Variants in SLC5A9 observed in about 807,000 individuals in gnomAD.
SLC5A9 encodes the protein sodium/glucose cotransporter 4.
A neutral mutation model predicts 70.9 loss-of-function variants in SLC5A9; 59 were observed. The ratio of observed to expected loss-of-function variants is 0.83; its 90% CI spans 0.68 to 1.03. SLC5A9 has a LOEUF of 1.03. Among genes scored for constraint, SLC5A9 ranks in the 50% least tolerant of loss-of-function variants. SLC5A9 has a pLI of 0.00. For synonymous variants in SLC5A9, 340 were observed against 346.5 expected, an observed-to-expected ratio of 0.98 and a Z score of 0.21; for missense variants, 832 against 881.1, an observed-to-expected ratio of 0.94 and a Z score of 0.71.
Position 48,244,878 on chromosome 1 carries a change from G to GTGTATATATATATATA in SLC5A9, c.1837+2263_1837+2264insGTATATATATATATAT, listed in dbSNP as rs1391896495. ...TGTGTGTGTGTATGTATGTGTATGT[G>GTGTATATATATATATA]TATATATATATATATATATATATAT... is the stretch of plus-strand genomic sequence containing the variant. On this transcript the variant is annotated intron_variant, in intron 13 of 13. Transcript: ENST00000438567. Among the ~76,000 whole-genome samples, 11 of 29,418 alleles carry GTGTATATATATATATA rather than the reference G, an allele frequency of 3.7e-4. 2 individuals are homozygous for GTGTATATATATATATA. The highest frequency in any genetic ancestry group is 1.6e-3 in the East Asian group (1 of 616). The allele number at this position is 29,418 out of a possible 152,430, so 19.3% of individuals were successfully genotyped here.
At chr1:48,243,104 C>T (rs1170498208) in intron 13 of SLC5A9, among the ~76,000 whole-genome samples, 3 of 152,098 alleles carry the variant, frequency 2.0e-5, no homozygotes, top group Non-Finnish European at 4.4e-5. Flanking sequence ...GTTACACCCA[C>T]GGTGTTTCCT....
intron 13 of SLC5A9, among the ~76,000 whole-genome samples, chr1:48,245,789 C>A (rs1313610871): frequency 1.3e-5 from 2 of 151,780 alleles, no homozygotes; most frequent in Non-Finnish European, 2.9e-5. Flanking sequence ...GGCAAAACCC[C>A]ATATCTACAA....
In SLC5A9 at chr1:48,222,822, C is replaced by T. The variant is rs1479028364; in HGVS notation, c.86C>T (p.Ser29Phe). 3 of 1,613,282 alleles carry T rather than the reference C, an allele frequency of 1.9e-6. No individual in the cohort carries two copies. Among genetic ancestry groups the T allele is most frequent in the Non-Finnish European group, 2.5e-6 (3 of 1,179,428 alleles). ...TETAPHIALD[S>F]RVGLHAYDIS... is the part of the protein sequence containing the mutation. ...ACAGCTCCACACATAGCACTGGACT[C>T]CAGAGTTGGTCTGCACGCCTACGAC... Residue 29 changes from serine to phenylalanine, a missense_variant, in exon 1 of 14, where the codon TCC (serine) becomes TTC (phenylalanine). Physicochemically the swap from Ser to Phe is radical, Grantham distance 155. Coordinates refer to ENST00000438567, the MANE Select transcript of SLC5A9 (RefSeq NM_001011547.3).
In SLC5A9 at chr1:48,236,235, C is replaced by A. The variant is rs140489525; in HGVS notation, c.1292+356C>A. ...CCCAACCAACTCCGGATGTTAAGCC[C>A]GGTTAAAAAAAAATGCTATTAATTT... On this transcript the variant is annotated intron_variant, in intron 10 of 13. Coordinates refer to ENST00000438567, the MANE Select transcript of SLC5A9 (RefSeq NM_001011547.3). Among the ~76,000 whole-genome samples, 518 of 152,064 alleles carry A rather than the reference C, an allele frequency of 3.4e-3. 6 individuals are homozygous for A. The highest frequency in any genetic ancestry group is 0.03 in the South Asian group (142 of 4,806).
chr1:48,230,698 C>T lies in SLC5A9; in HGVS notation c.603C>T (p.Thr201=), dbSNP rs1644235986. ...GILLVVTAVY[T]IAGGLMAVIY... is the part of the protein sequence containing the mutation. The stretch of plus-strand genomic sequence containing the variant: ...TGCTGGTGGTGACTGCCGTCTACAC[C>T]ATTGCAGGTAGGCAGAGGGAAGAGG... Residue 201 remains threonine (T), a synonymous_variant, in exon 5 of 14, where the codon ACC becomes ACT. Transcript: ENST00000438567. 2 of 1,612,904 alleles carry T rather than the reference C, an allele frequency of 1.2e-6. No homozygotes were observed. Among genetic ancestry groups the T allele is most frequent in the East Asian group, 4.5e-5 (2 of 44,862 alleles).
At chr1:48,244,572 A>C (rs1217808913) in intron 13 of SLC5A9, among the ~76,000 whole-genome samples, 3 of 151,024 alleles carry the variant, frequency 2.0e-5, no homozygotes, top group African/African-American at 7.3e-5. Flanking sequence ...GCTATTCATA[A>C]TGATGGATAT....
intron 1 of SLC5A9, 57 bp downstream of exon 1, chr1:48,222,955 G>C: frequency 6.3e-7 from 1 of 1,587,384 alleles, no homozygotes; most frequent in Non-Finnish European, 8.6e-7. Context: ...CTCTCAGCTT[G>C]GGTGGGGCTG....
chr1:48,244,909 T>TATATATATATATATA (rs1291048314), intron 13 of SLC5A9, among the ~76,000 whole-genome samples: 2 of 114,532 alleles, frequency 1.7e-5, no homozygotes, highest in Non-Finnish European at 3.5e-5. Flanking sequence ...TATATATATA[T>TATATATATATATATA]AAAACCTCTG....
Position 48,229,279 on chromosome 1 carries a change from C to T in SLC5A9, c.340-16C>T, listed in dbSNP as rs1557469730. ...TCCAGGACCTGGATACCTTCTTCTT[C>T]TCCCCACTCTCCCAGGCAACCTGGC... On this transcript the variant is annotated splice_polypyrimidine_tract_variant and intron_variant, in intron 3 of 13. Transcript: ENST00000438567. 6.2e-7 allele frequency: 1 copy of T among 1,613,978 alleles called. No homozygotes were observed.
Position 48,229,278 on chromosome 1 carries a change from T to TCTC in SLC5A9, c.340-15_340-13dup, listed in dbSNP as rs1349595439. The TCTC allele has an allele frequency of 1.2e-6, 2 of 1,613,798 alleles. No individual in the cohort carries two copies. Among genetic ancestry groups the TCTC allele is most frequent in the Admixed American group, 1.7e-5 (1 of 59,990 alleles). On this transcript the variant is annotated splice_polypyrimidine_tract_variant and intron_variant, in intron 3 of 13. Coordinates refer to ENST00000438567, the MANE Select transcript of SLC5A9 (RefSeq NM_001011547.3). ...ATCCAGGACCTGGATACCTTCTTCT[T>TCTC]CTCCCCACTCTCCCAGGCAACCTGG... is the stretch of plus-strand genomic sequence containing the variant.
chr1:48,223,528 G>A (rs1205775223), intron 1 of SLC5A9, among the ~76,000 whole-genome samples: 1 of 152,166 alleles, frequency 6.6e-6, no homozygotes, highest in Non-Finnish European at 1.5e-5. Flanking sequence ...TAAGGACTAT[G>A]CTGTGATCAT....
chr1:48,240,934 T>C (rs74077911), intron 12 of SLC5A9, among the ~76,000 whole-genome samples: 3,188 of 152,342 alleles, frequency 0.021, 125 homozygotes, highest in African/African-American at 0.072. Context: ...GTCATGTTCC[T>C]GTCTTTAAGT....
chr1:48,227,047 T>C (rs1025083107), intron 2 of SLC5A9, among the ~76,000 whole-genome samples: 5 of 151,974 alleles, frequency 3.3e-5, no homozygotes, highest in African/African-American at 4.8e-5. Flanking sequence ...TGTGTGTGTG[T>C]GCTTTGCGAA....
Position 48,239,399 on chromosome 1 carries a change from A to ATGGC in SLC5A9, c.1539_1540insTGGC (p.Ala514TrpfsTer45). On this transcript the variant is annotated frameshift_variant, in exon 12 of 14. Coordinates refer to ENST00000438567, the MANE Select transcript of SLC5A9 (RefSeq NM_001011547.3). LOFTEE classifies it high-confidence loss of function. The surrounding 1 kb of genome is among the most constrained non-coding windows in gnomAD (Gnocchi z 4.2). ...TCCTGGAGTTCTCATACCCAGCGCC[A>ATGGC]GCCTGTGGGGAGGTGGACCGGAGGC... is the stretch of plus-strand genomic sequence containing the variant. 9 of 1,614,204 alleles carry ATGGC rather than the reference A, an allele frequency of 5.6e-6. No individual in the cohort carries two copies. The highest frequency in any genetic ancestry group is 7.6e-6 in the Non-Finnish European group (9 of 1,180,036).
At position 48,232,503 on chromosome 1, in the gene SLC5A9, G is replaced by A. The variant is rs368938184; in HGVS notation, c.1033+1G>A. On this transcript the variant is annotated splice_donor_variant, in intron 8 of 13. Transcript: ENST00000438567. LOFTEE classifies it high-confidence loss of function. ...ATGATCAGCCGGGCCCTGTTCCCAG[G>A]TAAGAACGAGCCTTGCTCTCTGGGT... 1.9e-5 allele frequency: 31 copies of A among 1,613,984 alleles called. No homozygotes were observed. The African/African-American group carries it at 3.5e-4, about 18-fold the overall frequency.
intron 12 of SLC5A9, among the ~76,000 whole-genome samples, chr1:48,241,702 TTCTCTCTCTCTC>T (rs61544545): frequency 2.7e-5 from 4 of 149,486 alleles, no homozygotes; most frequent in African/African-American, 9.8e-5. Flanking sequence ...TGTGTACATG[TTCTCTCTCTCTC>T]TCTCTCTCTC....
At chr1:48,223,960 A>T (rs1258026093) in intron 1 of SLC5A9, among the ~76,000 whole-genome samples, 1 of 152,204 alleles carries the variant, frequency 6.6e-6, no homozygotes, top group Non-Finnish European at 1.5e-5. Flanking sequence ...AGGAAAATAC[A>T]AGCAAAAGCT....
At chr1:48,224,664 G>C (rs1161941764) in intron 1 of SLC5A9, 60 bp from the exon 2 acceptor site, 4 of 1,551,516 alleles carry the variant, frequency 2.6e-6, no homozygotes, top group Non-Finnish European at 3.6e-6. Context: ...TGCGGGGAGG[G>C]GGCAGGGCAG....
intron 13 of SLC5A9, among the ~76,000 whole-genome samples, chr1:48,244,924 A>G (rs1301473835): frequency 1.7e-5 from 2 of 116,696 alleles, no homozygotes; most frequent in Non-Finnish European, 3.5e-5. Context: ...CCTCTGTCTC[A>G]GAAGGTTGCC....
Sources: allele counts gnomAD v4.1 joint callset (sites outside exome capture counted in the v4.1 genomes callset), GRCh38; gene constraint gnomAD v4.1.1; non-coding constraint Gnocchi (gnomAD v3.1); transcripts MANE v1.5; gene names NCBI Gene and HGNC (gene_info 2026-07-23, HGNC 2026-07-21).